The following DHTKD1 variants were observed in gnomAD, a reference collection of about 807,000 sequenced individuals.
DHTKD1 encodes 2-oxoadipate dehydrogenase complex component E1.
In DHTKD1, 78 loss-of-function variants were observed where a neutral mutation model predicts 101.8. The ratio of observed to expected loss-of-function variants is 0.77; its 90% CI spans 0.64 to 0.93. The LOEUF (loss-of-function observed/expected upper bound fraction) is 0.93, where lower values mean the gene tolerates loss of function less well. DHTKD1 is among the 40% of genes least tolerant of loss of function. The pLI, the probability that DHTKD1 is intolerant of heterozygous loss-of-function variation, is 0.00. For synonymous variants in DHTKD1, 462 were observed against 450.3 expected, an observed-to-expected ratio of 1.03 and a Z score of -0.33; for missense variants, 1,223 against 1,161.7, an observed-to-expected ratio of 1.05 and a Z score of -0.77.
chr10:12,113,761 GA>G (rs941634616), intron 13 of DHTKD1, among the ~76,000 whole-genome samples: 11 of 149,400 alleles, frequency 7.4e-5, no homozygotes, highest in African/African-American at 1.2e-4. Flanking sequence ...CCCCATCTCT[GA>G]AAAAAAAAAT....
intron 7 of DHTKD1, among the ~76,000 whole-genome samples, chr10:12,097,242 C>T (rs528934601): frequency 2.0e-5 from 3 of 151,884 alleles, no homozygotes; most frequent in South Asian, 4.2e-4. Flanking sequence ...TCCTGAATGC[C>T]TTTTTATTTT....
chr10:12,092,652 A>G (rs1217818730), intron 6 of DHTKD1, among the ~76,000 whole-genome samples: 1 of 151,710 alleles, frequency 6.6e-6, no homozygotes, highest in Admixed American at 6.6e-5. Flanking sequence ...AAAAACACAA[A>G]ATTAGCTGGG....
chr10:12,086,087 C>T (rs1260906914), intron 3 of DHTKD1, among the ~76,000 whole-genome samples: 1 of 151,620 alleles, frequency 6.6e-6, no homozygotes, highest in Non-Finnish European at 1.5e-5. Flanking sequence ...CCAAGATGGT[C>T]TCGATCTCCT....
chr10:12,084,612 G>A lies in DHTKD1; in HGVS notation c.383G>A (p.Gly128Glu). ...GTCTATCTCAATCAAATCTACTGTG[G>A]GCAGATTTCTATTGAAACCTCCCAA... ...VLVYLNQIYC[G>E]QISIETSQLQ... The change falls in exon 3 of 17, where the codon GGG becomes GAG. Residue 128 changes from glycine to glutamate, a missense_variant. Transcript: ENST00000263035. 6.2e-7 allele frequency: 1 copy of A among 1,613,564 alleles called. No individual in the cohort carries two copies. The highest frequency in any genetic ancestry group is 8.5e-7 in the Non-Finnish European group (1 of 1,179,542).
At position 12,087,522 on chromosome 10, in the gene DHTKD1, T is replaced by G; in HGVS notation, c.523-13T>G. 6.3e-7 allele frequency: 1 copy of G among 1,579,450 alleles called. No homozygotes were observed. Among genetic ancestry groups the G allele is most frequent in the Non-Finnish European group, 8.6e-7 (1 of 1,161,734 alleles). ...GTCTCCTGGCAGCTCACGTCTGACA[T>G]GATGTTCTGCAGGAGTTTGACCACT... On this transcript the variant is annotated splice_polypyrimidine_tract_variant and intron_variant, in intron 3 of 16. Transcript: ENST00000263035. This position sits in a 1 kb window ranked among gnomAD's most constrained non-coding sequence, Gnocchi z 5.2.
At position 12,118,903 on chromosome 10, in the gene DHTKD1, T is replaced by C; in HGVS notation, c.2557T>C (p.Tyr853His). ...LDSLQQEMSK[Y>H]KHVKDHIWSQ... is the part of the protein sequence containing the mutation. ...TTCTTTACAGCAAGAGATGAGCAAA[T>C]ACAAACATGTTAAAGGTAAGAGGTT... The change falls in exon 15 of 17, where the codon TAC becomes CAC. Residue 853 changes from tyrosine (Y) to histidine (H), a missense_variant. Physicochemically the swap from Tyr to His is moderately conservative, Grantham distance 83. Coordinates refer to ENST00000263035, the MANE Select transcript of DHTKD1 (RefSeq NM_018706.7). The C allele has an allele frequency of 6.3e-7, 1 of 1,579,784 alleles. No individual in the cohort carries two copies. Among genetic ancestry groups the C allele is most frequent in the South Asian group, 1.2e-5 (1 of 85,984 alleles).
At chr10:12,114,649 G>C (rs571540135) in intron 13 of DHTKD1, among the ~76,000 whole-genome samples, 2 of 152,182 alleles carry the variant, frequency 1.3e-5, no homozygotes, top group Admixed American at 1.3e-4. Flanking sequence ...GGTGAAATAA[G>C]ACGTTTAGAA....
At chr10:12,078,588 G>A (rs1240514538) in intron 1 of DHTKD1, among the ~76,000 whole-genome samples, 1 of 152,174 alleles carries the variant, frequency 6.6e-6, no homozygotes, top group Non-Finnish European at 1.5e-5. Flanking sequence ...TCCAGCCTGG[G>A]TGACAGAGTG....
Position 12,107,866 on chromosome 10 carries a change from C to A in DHTKD1, c.2048-43C>A. The A allele has an allele frequency of 1.5e-6, 2 of 1,376,276 alleles. No individual in the cohort carries two copies. Among genetic ancestry groups the A allele is most frequent in the Non-Finnish European group, 2.1e-6 (2 of 971,134 alleles). The allele number at this position is 1,376,276 out of a possible 1,614,324, so 85.3% of individuals were successfully genotyped here. Reference sequence around the variant, plus strand: ...CTGAGTCGTGTCAGGCCACTTTGTCCCCGCTTCGTAGAGCTCTTACTCCCC... The same window carrying A: ...CTGAGTCGTGTCAGGCCACTTTGTCACCGCTTCGTAGAGCTCTTACTCCCC... On this transcript the variant is annotated intron_variant, in intron 11 of 16. Coordinates refer to ENST00000263035, the MANE Select transcript of DHTKD1 (RefSeq NM_018706.7). This position sits in a 1 kb window ranked among gnomAD's most constrained non-coding sequence, Gnocchi z 4.1.
In DHTKD1 at chr10:12,105,895, G is replaced by T. The variant is rs151036434; in HGVS notation, c.1897-351G>T. Among the ~76,000 whole-genome samples the T allele has an allele frequency of 4.9e-3, 746 of 152,238 alleles. 8 individuals carry two copies. Among genetic ancestry groups the T allele is most frequent in the African/African-American group, 0.017 (695 of 41,538 alleles). ...GGATCACCTGAGCTCAGGAGTTTGA[G>T]ACCAGCTTGGCCAACATGCTGAAAC... On this transcript the variant is annotated intron_variant, in intron 10 of 16. Transcript: ENST00000263035.
At chr10:12,076,273 A>T (rs551743749) in intron 1 of DHTKD1, among the ~76,000 whole-genome samples, 32 of 152,302 alleles carry the variant, frequency 2.1e-4, no homozygotes, top group African/African-American at 7.2e-4. Flanking sequence ...GTCAGGAGAT[A>T]CAGACTATCC....
intron 1 of DHTKD1, among the ~76,000 whole-genome samples, chr10:12,070,476 T>A (rs538384695): frequency 6.6e-6 from 1 of 152,302 alleles, no homozygotes; most frequent in African/African-American, 2.4e-5. Context: ...ATAAACCTCA[T>A]ATCTCTGTCT....
At chr10:12,119,631 A>AG (rs1295887441) in intron 15 of DHTKD1, among the ~76,000 whole-genome samples, 1 of 151,316 alleles carries the variant, frequency 6.6e-6, no homozygotes, top group Middle Eastern at 3.4e-3. Context: ...AAAAAAAAAA[A>AG]AAAAGAAAGA....
At chr10:12,090,728 C>G (rs576338075) in intron 5 of DHTKD1, among the ~76,000 whole-genome samples, 1 of 152,150 alleles carries the variant, frequency 6.6e-6, no homozygotes, top group South Asian at 2.1e-4. Context: ...TTCAAGCAAC[C>G]CTCCTGCCTT....
At chr10:12,109,803 A>AAAAT (rs553406832) in intron 12 of DHTKD1, among the ~76,000 whole-genome samples, 61 of 152,102 alleles carry the variant, frequency 4.0e-4, no homozygotes, top group African/African-American at 1.1e-3. Context: ...GTCTCTACTA[A>AAAAT]AAATAAATAA....
At chr10:12,071,851 G>A (rs1192727737) in intron 1 of DHTKD1, among the ~76,000 whole-genome samples, 1 of 152,158 alleles carries the variant, frequency 6.6e-6, no homozygotes, top group African/African-American at 2.4e-5. Flanking sequence ...ACTTCCTAAG[G>A]AATGAAAAGA....
intron 5 of DHTKD1, among the ~76,000 whole-genome samples, chr10:12,090,974 A>C (rs1360836426): frequency 6.6e-6 from 1 of 152,150 alleles, no homozygotes; most frequent in African/African-American, 2.4e-5. Flanking sequence ...GAATGGCGTG[A>C]ACCCCGGAGG....
At chr10:12,111,174 T>A (rs1833324382) in intron 12 of DHTKD1, among the ~76,000 whole-genome samples, 1 of 152,152 alleles carries the variant, frequency 6.6e-6, no homozygotes. Flanking sequence ...TTGTGTTTTC[T>A]TTTATTTTTG....
At chr10:12,115,991 C>T (rs1215711991) in intron 13 of DHTKD1, among the ~76,000 whole-genome samples, 1 of 149,628 alleles carries the variant, frequency 6.7e-6, no homozygotes, top group Non-Finnish European at 1.5e-5. Context: ...AGTGCAATGG[C>T]ACAATATCAG....
Sources: gnomAD v4.1 joint callset for allele counts (sites outside exome capture counted in the v4.1 genomes callset) on GRCh38, gnomAD v4.1.1 for gene constraint, Gnocchi (gnomAD v3.1) non-coding constraint, MANE v1.5 for transcripts, NCBI Gene and HGNC (gene_info 2026-07-23, HGNC 2026-07-21) for gene names.